Variants in NHS observed in about 807,000 individuals in gnomAD.
NHS encodes the protein NHS actin remodeling regulator.
Under a neutral mutation model 72.5 loss-of-function variants are expected in NHS, and 5 were observed. The ratio of observed to expected loss-of-function variants is 0.07; its 90% confidence interval spans 0.04 to 0.14. The LOEUF is 0.14. Among genes scored for constraint, NHS ranks in the 10% least tolerant of loss-of-function variants. NHS has a pLI of 1.00. For missense variants in NHS, 1,072 were observed against 1,355.7 expected (o/e 0.79, Z 3.29); for synonymous variants, 464 against 547.7 (o/e 0.85, Z 2.13).
At chrX:17,398,914 T>C (rs780557445) in intron 1 of NHS, among the ~76,000 whole-genome samples, 2 of 111,519 alleles carry the variant, frequency 1.8e-5, no homozygotes, top group South Asian at 7.6e-4. Context: ...GAGAGGAGAA[T>C]TGTTGCCTTT....
In NHS at chrX:17,713,840, C is replaced by T. The variant is rs148079451; in HGVS notation, c.853-5504C>T. Among the ~76,000 whole-genome samples the T allele has an allele frequency of 5.0e-3, 555 of 112,026 alleles. 5 individuals are homozygous for T. Among genetic ancestry groups the T allele is most frequent in the African/African-American group, 0.017 (513 of 30,825 alleles). On this transcript the variant is annotated intron_variant, in intron 3 of 8. Transcript: ENST00000676302. ...ATCTTCCTTCATTATATACCAAAGA[C>T]ATTTATTTGGCTGCTTTTGAGCATA...
intron 1 of NHS, among the ~76,000 whole-genome samples, chrX:17,437,381 C>G (rs1394892723): frequency 8.9e-6 from 1 of 111,781 alleles, no homozygotes; most frequent in Admixed American, 9.5e-5. Flanking sequence ...GGTTTTGATG[C>G]GTTCCTCAAC....
At chrX:17,559,544 A>G (rs970299752) in intron 1 of NHS, among the ~76,000 whole-genome samples, 6 of 112,430 alleles carry the variant, frequency 5.3e-5, no homozygotes, top group African/African-American at 1.6e-4. Context: ...TGCTGTATTA[A>G]TAAGTTACTT....
intron 1 of NHS, among the ~76,000 whole-genome samples, chrX:17,383,685 C>T (rs888610041): frequency 2.7e-5 from 3 of 111,775 alleles, no homozygotes; most frequent in African/African-American, 9.8e-5. Flanking sequence ...GAATCTGCCC[C>T]CATGATCCAG....
At chrX:17,430,259 T>TTTTCTTTC (rs56175001) in intron 1 of NHS, among the ~76,000 whole-genome samples, 2,608 of 51,527 alleles carry the variant, frequency 0.051, 81 homozygotes, top group East Asian at 0.08. Context: ...CCCTCTTTCT[T>TTTTCTTTC]TTTCTTTCTT....
At chrX:17,584,432 C>T (rs1053029387) in intron 1 of NHS, among the ~76,000 whole-genome samples, 1 of 112,038 alleles carries the variant, frequency 8.9e-6, no homozygotes, top group African/African-American at 3.3e-5. Context: ...GGTGGGCCTC[C>T]TATTGGTGTT....
At chrX:17,630,152 C>T (rs2065817945) in intron 1 of NHS, among the ~76,000 whole-genome samples, 2 of 98,509 alleles carry the variant, frequency 2.0e-5, no homozygotes, top group Non-Finnish European at 4.1e-5. Flanking sequence ...ATGATAACCC[C>T]GGTGGATGCA....
chrX:17,704,448 G>A lies in NHS; in HGVS notation c.852+11980G>A, dbSNP rs930295850. Among the ~76,000 whole-genome samples the A allele has an allele frequency of 1.7e-4, 19 of 109,697 alleles. 1 individual carries two copies. The highest frequency in any genetic ancestry group is 4.8e-4 in the Admixed American group (5 of 10,378). On this transcript the variant is annotated intron_variant, in intron 3 of 8. Transcript: ENST00000676302. ...CCCGAGTAGCTGGGATTACAGTTAC[G>A]CGCCACCACGCCTGGCTAATTTTTT...
At chrX:17,606,746 G>C (rs2065681456) in intron 1 of NHS, among the ~76,000 whole-genome samples, 2 of 111,827 alleles carry the variant, frequency 1.8e-5, no homozygotes, top group Non-Finnish European at 3.8e-5. Context: ...TGTTTTCAGT[G>C]TTTCGTTTTA....
At chrX:17,465,310 G>T (rs976798361) in intron 1 of NHS, among the ~76,000 whole-genome samples, 5 of 111,293 alleles carry the variant, frequency 4.5e-5, no homozygotes, top group African/African-American at 1.6e-4. Context: ...CTTGGTAAAT[G>T]CCCCAAAGCA....
At chrX:17,543,342 A>G (rs1361037745) in intron 1 of NHS, among the ~76,000 whole-genome samples, 1 of 112,461 alleles carries the variant, frequency 8.9e-6, no homozygotes, top group Non-Finnish European at 1.9e-5. Context: ...TTGGCTGCAG[A>G]ATGAATGCTT....
intron 1 of NHS, among the ~76,000 whole-genome samples, chrX:17,506,643 C>T (rs2146927849): frequency 9.0e-6 from 1 of 111,566 alleles, no homozygotes; most frequent in Admixed American, 9.6e-5. Context: ...CCTCTTTCTC[C>T]TTGTGACTGT....
Position 17,472,331 on chromosome X carries a change from G to C in NHS, c.565+96009G>C, listed in dbSNP as rs183026792. Among the ~76,000 whole-genome samples the C allele has an allele frequency of 1.3e-4, 14 of 110,880 alleles. 1 individual carries two copies. The East Asian group carries it at 3.7e-3, about 29-fold the overall frequency. ...ACTGAAAGAGAGAGAGAGAGAGACAGAGAGAGACAGAGACAGAGAGAGACA... is the reference window on the plus strand; with the variant it reads ...ACTGAAAGAGAGAGAGAGAGAGACACAGAGAGACAGAGACAGAGAGAGACA... On this transcript the variant is annotated intron_variant, in intron 1 of 8. Coordinates refer to ENST00000676302, the MANE Select transcript of NHS (RefSeq NM_001291867.2).
intron 1 of NHS, among the ~76,000 whole-genome samples, chrX:17,447,078 A>G (rs890343879): frequency 8.9e-6 from 1 of 111,892 alleles, no homozygotes; most frequent in African/African-American, 3.3e-5. Context: ...GTGGGTGCCA[A>G]TTGGTGTTTG....
intron 1 of NHS, among the ~76,000 whole-genome samples, chrX:17,379,208 C>A (rs2064362699): frequency 9.2e-6 from 1 of 108,938 alleles, no homozygotes; most frequent in Non-Finnish European, 1.9e-5. Context: ...TGGGGGGCTT[C>A]TTGCAGGGGC....
chrX:17,565,318 C>T (rs1004240408), intron 1 of NHS, among the ~76,000 whole-genome samples: 3 of 111,970 alleles, frequency 2.7e-5, no homozygotes, highest in Non-Finnish European at 5.6e-5. Context: ...TCTGCTGACC[C>T]TCCAGCCAAA....
At chrX:17,651,831 G>C (rs915952348) in intron 1 of NHS, among the ~76,000 whole-genome samples, 2 of 112,362 alleles carry the variant, frequency 1.8e-5, no homozygotes, top group African/African-American at 6.5e-5. Flanking sequence ...AACAATAAGG[G>C]GCTTCAGAAA....
intron 1 of NHS, among the ~76,000 whole-genome samples, chrX:17,572,475 A>G (rs1375541025): frequency 1.0e-5 from 1 of 97,585 alleles, no homozygotes; most frequent in African/African-American, 4.3e-5. Context: ...ATCAGAGACC[A>G]GGACTGCAAC....
At chrX:17,704,289 T>A (rs1433450188) in intron 3 of NHS, among the ~76,000 whole-genome samples, 1 of 108,576 alleles carries the variant, frequency 9.2e-6, no homozygotes, top group Non-Finnish European at 1.9e-5. Context: ...AAAAAAAATT[T>A]AAAAATTAAA....
Sources: allele counts gnomAD v4.1 joint callset (sites outside exome capture counted in the v4.1 genomes callset), GRCh38; gene constraint gnomAD v4.1.1; transcripts MANE v1.5; gene names NCBI Gene and HGNC (gene_info 2026-07-23, HGNC 2026-07-21).